GPM6A: variants seen among roughly 807,000 people sequenced by gnomAD.
GPM6A encodes neuronal membrane glycoprotein M6-a.
GPM6A carries 7 observed loss-of-function variants against 32.1 expected under a neutral mutation model. The observed-to-expected ratio is 0.22, with a 90% CI of 0.12 to 0.41. GPM6A has a LOEUF of 0.41. GPM6A is among the 10% of genes least tolerant of loss of function. The pLI is 1.00. For synonymous variants in GPM6A, 130 were observed against 123.4 expected, an observed-to-expected ratio of 1.05 and a Z score of -0.35; for missense variants, 235 against 347.2, an observed-to-expected ratio of 0.68 and a Z score of 2.57.
chr4:175,812,987 C>T (rs900266146), upstream of GPM6A: 55 of 985,110 alleles, frequency 5.6e-5, no homozygotes, highest in Admixed American at 3.1e-4. Flanking sequence ...GAAATAGAAG[C>T]GTGGCTGTCA....
intron 1 of GPM6A, among the ~76,000 whole-genome samples, chr4:175,747,290 A>C (rs1046005930): frequency 3.5e-5 from 5 of 142,024 alleles, no homozygotes; most frequent in African/African-American, 9.9e-5. Flanking sequence ...AAAAAAAAAA[A>C]AGAAGGAACC....
chr4:175,879,090 A>C (rs181012727), intron 1 of GPM6A, among the ~76,000 whole-genome samples: 54 of 152,256 alleles, frequency 3.5e-4, no homozygotes, highest in African/African-American at 1.1e-3. Flanking sequence ...TCCAGTTCCC[A>C]ACAAATTTCT....
intron 3 of GPM6A, among the ~76,000 whole-genome samples, chr4:175,660,209 C>A (rs1467215598): frequency 6.6e-6 from 1 of 151,970 alleles, no homozygotes; most frequent in African/African-American, 2.4e-5. Flanking sequence ...ACCAGCCTGA[C>A]CAACATGTTG....
At chr4:175,787,262 C>A (rs541823710) in intron 1 of GPM6A, 7 of 868,902 alleles carry the variant, frequency 8.1e-6, no homozygotes, top group Admixed American at 8.0e-5. Context: ...GCATGCACTA[C>A]AGAGATAAAG....
At chr4:175,737,808 T>C (rs753953129) in intron 1 of GPM6A, among the ~76,000 whole-genome samples, 2 of 152,208 alleles carry the variant, frequency 1.3e-5, no homozygotes, top group Non-Finnish European at 2.9e-5. Context: ...TACCAGGTTC[T>C]TTTTAAACAA....
intron 2 of GPM6A, among the ~76,000 whole-genome samples, chr4:175,692,590 T>C (rs1371452143): frequency 2.0e-5 from 3 of 152,242 alleles, no homozygotes; most frequent in Non-Finnish European, 4.4e-5. Flanking sequence ...GGAGCTCTTT[T>C]CATGTAAGCT....
At chr4:175,871,302 G>T (rs894875138) in intron 1 of GPM6A, among the ~76,000 whole-genome samples, 4 of 151,602 alleles carry the variant, frequency 2.6e-5, no homozygotes, top group African/African-American at 7.3e-5. Flanking sequence ...AAACCCCATC[G>T]CTACTAAAAA....
At chr4:175,681,843 A>C (rs1308569388) in intron 2 of GPM6A, among the ~76,000 whole-genome samples, 1 of 152,182 alleles carries the variant, frequency 6.6e-6, no homozygotes, top group Non-Finnish European at 1.5e-5. Context: ...ATTTCTTTAT[A>C]GTAATGCAAG....
intron 3 of GPM6A, among the ~76,000 whole-genome samples, chr4:175,660,806 G>A (rs1742365005): frequency 6.6e-6 from 1 of 152,108 alleles, no homozygotes; most frequent in South Asian, 2.1e-4. Flanking sequence ...GAATGCATAT[G>A]CTGGTCTGAT....
intron 1 of GPM6A, among the ~76,000 whole-genome samples, chr4:175,809,079 G>C (rs1560944785): frequency 6.6e-6 from 1 of 152,156 alleles, no homozygotes; most frequent in African/African-American, 2.4e-5. Flanking sequence ...TCACCCACTT[G>C]TCTGGCCACC....
chr4:175,991,020 CAAAT>C (rs1443846167), intron 1 of GPM6A, among the ~76,000 whole-genome samples: 2 of 151,698 alleles, frequency 1.3e-5, no homozygotes, highest in Non-Finnish European at 2.9e-5. Context: ...ATACAATTAA[CAAAT>C]AAAATTTCAT....
At chr4:175,899,328 T>C (rs1282893325) in intron 1 of GPM6A, among the ~76,000 whole-genome samples, 1 of 152,152 alleles carries the variant, frequency 6.6e-6, no homozygotes, top group Admixed American at 6.5e-5. Context: ...AAAAAAGCCT[T>C]TGAAGAGGCA....
At chr4:175,699,726 C>T (rs57973969) in intron 2 of GPM6A, among the ~76,000 whole-genome samples, 1 of 151,918 alleles carries the variant, frequency 6.6e-6, no homozygotes, top group Non-Finnish European at 1.5e-5. Flanking sequence ...CAGTCTTTCT[C>T]TAGGTTTTAA....
At chr4:175,887,173 A>G (rs1026775550) in intron 1 of GPM6A, among the ~76,000 whole-genome samples, 1 of 151,978 alleles carries the variant, frequency 6.6e-6, no homozygotes, top group Admixed American at 6.5e-5. Flanking sequence ...ATAAACACCA[A>G]TCAATTATCA....
At chr4:175,737,365 C>G (rs955631727) in intron 1 of GPM6A, among the ~76,000 whole-genome samples, 2 of 152,006 alleles carry the variant, frequency 1.3e-5, no homozygotes, top group Non-Finnish European at 2.9e-5. Flanking sequence ...ATCCTGTACG[C>G]CTGTAATCCT....
intron 2 of GPM6A, among the ~76,000 whole-genome samples, chr4:175,693,508 A>G (rs2111042625): frequency 6.6e-6 from 1 of 152,176 alleles, no homozygotes; most frequent in African/African-American, 2.4e-5. Flanking sequence ...CAAGTTCATT[A>G]CCATCCTTCC....
At chr4:175,919,416 C>A (rs1255979851) in intron 1 of GPM6A, among the ~76,000 whole-genome samples, 1 of 152,242 alleles carries the variant, frequency 6.6e-6, no homozygotes, top group East Asian at 1.9e-4. Flanking sequence ...GCTTAAAGAG[C>A]TTTTGACACT....
At chr4:175,739,631 C>T (rs1394097302) in intron 1 of GPM6A, among the ~76,000 whole-genome samples, 1 of 151,984 alleles carries the variant, frequency 6.6e-6, no homozygotes, top group Non-Finnish European at 1.5e-5. Flanking sequence ...TTTTTAATTC[C>T]ATTCATGAGT....
At chr4:175,727,316 A>G (rs1197968454) in intron 1 of GPM6A, among the ~76,000 whole-genome samples, 1 of 152,174 alleles carries the variant, frequency 6.6e-6, no homozygotes, top group African/African-American at 2.4e-5. Context: ...CGGTTAGTTC[A>G]CTCATATCAG....
Sources: allele counts gnomAD v4.1 joint callset (sites outside exome capture counted in the v4.1 genomes callset), GRCh38; gene constraint gnomAD v4.1.1; transcripts MANE v1.5; gene names NCBI Gene and HGNC (gene_info 2026-07-23, HGNC 2026-07-21).